The following HYCC1 variants were observed in gnomAD, a reference collection of about 807,000 sequenced individuals.
HYCC1 encodes hyccin.
the HYCC1 span, among the ~76,000 whole-genome samples, chr7:22,952,334 T>G: frequency 6.6e-6 from 1 of 151,966 alleles, no homozygotes; most frequent in African/African-American, 2.4e-5. Flanking sequence ...AAGCTGAGGT[T>G]TGAATGATGA....
the HYCC1 span, chr7:23,014,043 G>C: frequency 5.5e-5 from 26 of 470,854 alleles, 1 homozygote; most frequent in South Asian, 4.0e-4. Context: ...CTTCTTCCTA[G>C]CAGAACGGGT....
At chr7:22,927,857 C>T in the HYCC1 span, among the ~76,000 whole-genome samples, 2 of 152,106 alleles carry the variant, frequency 1.3e-5, no homozygotes, top group African/African-American at 4.8e-5. Flanking sequence ...CATCCTGATA[C>T]CAAAGCCTGG....
the HYCC1 span, among the ~76,000 whole-genome samples, chr7:22,918,066 A>G: frequency 2.6e-5 from 4 of 152,178 alleles, no homozygotes; most frequent in Non-Finnish European, 1.5e-5. Context: ...TTTTTAAAAG[A>G]AGAGTGTTGT....
the HYCC1 span, chr7:22,985,521 T>C: frequency 2.6e-5 from 4 of 152,148 alleles, no homozygotes; most frequent in East Asian, 7.7e-4. Flanking sequence ...GAATTTTTTT[T>C]AAGTTTAATA....
At chr7:22,994,046 C>T in the HYCC1 span, among the ~76,000 whole-genome samples, 98,849 of 151,864 alleles carry the variant, frequency 0.65, 32,126 homozygotes, top group Non-Finnish European at 0.66. Flanking sequence ...AATGGCGCTA[C>T]CACAGCTCAC....
the HYCC1 span, among the ~76,000 whole-genome samples, chr7:22,985,914 G>A: frequency 6.7e-6 from 1 of 149,334 alleles, no homozygotes; most frequent in Non-Finnish European, 1.5e-5. Flanking sequence ...ATGTATACAT[G>A]TCTATGTATA....
chr7:22,971,458 T>A, the HYCC1 span, among the ~76,000 whole-genome samples: 1 of 151,306 alleles, frequency 6.6e-6, no homozygotes, highest in Non-Finnish European at 1.5e-5. Flanking sequence ...CCAGAGTGCC[T>A]GAGCTCAGGA....
the HYCC1 span, among the ~76,000 whole-genome samples, chr7:22,972,320 G>A: frequency 2.0e-5 from 3 of 152,160 alleles, no homozygotes; most frequent in Admixed American, 6.5e-5. Context: ...TGACCTAGAA[G>A]TGAGGAGAGG....
the HYCC1 span, among the ~76,000 whole-genome samples, chr7:22,933,657 C>A: frequency 6.6e-6 from 1 of 152,174 alleles, no homozygotes; most frequent in East Asian, 1.9e-4. Context: ...TTTGATTAAT[C>A]CATTCTTCAA....
chr7:22,929,208 T>C, the HYCC1 span, among the ~76,000 whole-genome samples: 1 of 152,228 alleles, frequency 6.6e-6, no homozygotes, highest in Non-Finnish European at 1.5e-5. Flanking sequence ...GATTAAAGAC[T>C]TACATGTTAG....
At chr7:22,972,672 T>C in the HYCC1 span, among the ~76,000 whole-genome samples, 1 of 152,222 alleles carries the variant, frequency 6.6e-6, no homozygotes, top group Admixed American at 6.5e-5. Flanking sequence ...ATACATTTAG[T>C]ACTAGCAGAG....
the HYCC1 span, chr7:22,978,280 C>A: frequency 2.5e-6 from 4 of 1,613,850 alleles, no homozygotes; most frequent in South Asian, 1.1e-5. Flanking sequence ...AAATTGTAAA[C>A]CCCTAGAAGA....
At chr7:22,947,859 C>G in the HYCC1 span, among the ~76,000 whole-genome samples, 1 of 152,050 alleles carries the variant, frequency 6.6e-6, no homozygotes, top group Admixed American at 6.6e-5. Context: ...CTCACATATA[C>G]ATCATCTATT....
chr7:22,906,165 T>A, the HYCC1 span, among the ~76,000 whole-genome samples: 1 of 152,188 alleles, frequency 6.6e-6, no homozygotes, highest in Non-Finnish European at 1.5e-5. Flanking sequence ...CTAACTCAGA[T>A]CAATTAATAT....
the HYCC1 span, among the ~76,000 whole-genome samples, chr7:22,992,398 T>C: frequency 4.6e-5 from 7 of 152,078 alleles, 1 homozygote; most frequent in Admixed American, 4.6e-4. Flanking sequence ...AAACCACATA[T>C]ATGTACTGTA....
the HYCC1 span, among the ~76,000 whole-genome samples, chr7:23,008,144 T>C: frequency 1.3e-5 from 2 of 152,078 alleles, no homozygotes; most frequent in Non-Finnish European, 2.9e-5. Context: ...TGCTATAATT[T>C]AGTTACTACA....
At chr7:22,969,456 G>T in the HYCC1 span, among the ~76,000 whole-genome samples, 1 of 150,148 alleles carries the variant, frequency 6.7e-6, no homozygotes, top group East Asian at 2.0e-4. Flanking sequence ...ATGAGCCAAC[G>T]TCTGGCCATC....
At chr7:22,976,775 T>TC in the HYCC1 span, 5 of 1,613,322 alleles carry the variant, frequency 3.1e-6, no homozygotes, top group Non-Finnish European at 4.2e-6. Flanking sequence ...GATAGTGCAC[T>TC]CTCAGTCAGA....
At chr7:22,961,202 T>C in the HYCC1 span, 2 of 1,354,158 alleles carry the variant, frequency 1.5e-6, no homozygotes, top group African/African-American at 1.4e-5. Context: ...AATCTTAAAT[T>C]ATAACATTTA....
Sources: gnomAD v4.1 joint callset for allele counts (sites outside exome capture counted in the v4.1 genomes callset) on GRCh38, gnomAD v4.1.1 for gene constraint, MANE v1.5 for transcripts, NCBI Gene and HGNC (gene_info 2026-07-23, HGNC 2026-07-21) for gene names.